Variants in LUZP2 observed in about 807,000 individuals in gnomAD.
LUZP2 encodes the protein leucine zipper protein 2.
LUZP2 carries 52 observed loss-of-function variants against 51.6 expected under a neutral mutation model. The ratio of observed to expected loss-of-function variants is 1.01; its 90% CI spans 0.81 to 1.27. The LOEUF is 1.27. LUZP2 is among the 50% of genes most tolerant of loss of function. The pLI is 0.00. For missense variants in LUZP2, 436 were observed against 395.4 expected (o/e 1.10, Z -0.87); for synonymous variants, 154 against 137.3 (o/e 1.12, Z -0.85).
chr11:24,817,146 T>C (rs1279434727), intron 5 of LUZP2, among the ~76,000 whole-genome samples: 2 of 152,006 alleles, frequency 1.3e-5, no homozygotes, highest in Non-Finnish European at 2.9e-5. Flanking sequence ...ATTTTCATCA[T>C]CTGTAAAATG....
In LUZP2 at chr11:25,050,042, A is replaced by C. The variant is rs1419354656; in HGVS notation, c.770A>C (p.Gln257Pro). Residue 257 changes from glutamine (Q) to proline (P), a missense_variant, in exon 10 of 12, where the codon CAA becomes CCA. Coordinates refer to ENST00000336930, the MANE Select transcript of LUZP2 (RefSeq NM_001009909.4). The part of the protein sequence containing the change: ...LPDAAAKSKP[Q>P]QSASGNNESS... ...TCTCTCTTCGTCTCTTTTAAGCCTCAACAAAGTGCTTCTGGAAACAATGAG... is the reference window on the plus strand; with the variant it reads ...TCTCTCTTCGTCTCTTTTAAGCCTCCACAAAGTGCTTCTGGAAACAATGAG... 2.5e-6 allele frequency: 4 copies of C among 1,586,774 alleles called. No individual in the cohort carries two copies. The highest frequency in any genetic ancestry group is 1.4e-5 in the African/African-American group (1 of 73,580).
intron 1 of LUZP2, among the ~76,000 whole-genome samples, chr11:24,721,093 G>A (rs1565098151): frequency 1.3e-5 from 2 of 152,132 alleles, no homozygotes; most frequent in South Asian, 2.1e-4. Flanking sequence ...CATAAACGAC[G>A]TTTAATGTCA....
chr11:24,802,713 G>C (rs1449894381), intron 5 of LUZP2, among the ~76,000 whole-genome samples: 1 of 151,808 alleles, frequency 6.6e-6, no homozygotes, highest in Non-Finnish European at 1.5e-5. Context: ...CTATGATTTT[G>C]ACTGTTTTAT....
intron 1 of LUZP2, among the ~76,000 whole-genome samples, chr11:24,560,052 C>T (rs1590180075): frequency 6.6e-6 from 1 of 151,854 alleles, no homozygotes; most frequent in Non-Finnish European, 1.5e-5. Context: ...GCAGCAAACC[C>T]CCATGGCATG....
At chr11:24,983,540 A>G (rs1856101024) in intron 9 of LUZP2, among the ~76,000 whole-genome samples, 1 of 151,808 alleles carries the variant, frequency 6.6e-6, no homozygotes, top group South Asian at 2.1e-4. Context: ...ATTGTTTAAC[A>G]CAAAACAAAA....
At chr11:24,858,364 C>A (rs1250232444) in intron 5 of LUZP2, among the ~76,000 whole-genome samples, 2 of 152,172 alleles carry the variant, frequency 1.3e-5, no homozygotes, top group South Asian at 2.1e-4. Context: ...TGCTATTTAT[C>A]TTTAAAGATA....
In LUZP2 at chr11:25,040,341, C is replaced by T. The variant is rs1284830250; in HGVS notation, c.766-9697C>T. On this transcript the variant is annotated intron_variant, in intron 9 of 11. Transcript: ENST00000336930. ...GTAGAGAGCCACTTTTCTTTCTTTC[C>T]GATTTTTTTTTTTTTTTTTTTTGCC... is the stretch of plus-strand genomic sequence containing the variant. 1.9e-4 allele frequency among the ~76,000 whole-genome samples: 7 copies of T among 37,802 alleles called. 1 individual carries two copies. Among genetic ancestry groups the T allele is most frequent in the South Asian group, 1.9e-3 (2 of 1,060 alleles). The allele number at this position is 37,802 out of a possible 152,430, so 24.8% of individuals were successfully genotyped here. A position where few individuals can be genotyped will look rare whatever the true frequency, so the allele number is the denominator to read the frequency against.
chr11:25,016,041 C>A (rs1433080422), intron 9 of LUZP2, among the ~76,000 whole-genome samples: 4 of 151,834 alleles, frequency 2.6e-5, no homozygotes, highest in African/African-American at 9.7e-5. Context: ...CTGCCTCAGC[C>A]TCCTGAGTAG....
At chr11:24,798,815 G>A (rs550454267) in intron 5 of LUZP2, among the ~76,000 whole-genome samples, 2 of 4,764 alleles carry the variant, frequency 4.2e-4, no homozygotes, top group Non-Finnish European at 2.5e-3. Flanking sequence ...TTTTGGAGTG[G>A]ACTCAAGGTT....
intron 1 of LUZP2, among the ~76,000 whole-genome samples, chr11:24,534,146 T>C (rs7931113): frequency 0.57 from 86,511 of 150,936 alleles, 25,378 homozygotes; most frequent in East Asian, 0.83. Flanking sequence ...CAGGCGAGTG[T>C]TGGAGTTTTA....
chr11:24,602,245 T>C (rs1590228776), intron 1 of LUZP2, among the ~76,000 whole-genome samples: 1 of 79,084 alleles, frequency 1.3e-5, no homozygotes, highest in Admixed American at 1.6e-4. Context: ...TGTATATATG[T>C]ATATATATGC....
At chr11:24,670,089 T>C (rs1427529120) in intron 1 of LUZP2, among the ~76,000 whole-genome samples, 2 of 151,776 alleles carry the variant, frequency 1.3e-5, no homozygotes, top group Non-Finnish European at 2.9e-5. Flanking sequence ...ACTGAAGGAG[T>C]ATAATGTAGT....
At chr11:24,804,415 A>G (rs1428623034) in intron 5 of LUZP2, among the ~76,000 whole-genome samples, 1 of 152,192 alleles carries the variant, frequency 6.6e-6, no homozygotes, top group African/African-American at 2.4e-5. Context: ...CATATTAACA[A>G]GAGAAAAACA....
At chr11:24,580,726 T>A (rs1852821973) in intron 1 of LUZP2, among the ~76,000 whole-genome samples, 1 of 152,066 alleles carries the variant, frequency 6.6e-6, no homozygotes, top group Non-Finnish European at 1.5e-5. Flanking sequence ...CTAATTTGAC[T>A]TCCATACCAC....
At chr11:24,816,564 T>A (rs2716478) in intron 5 of LUZP2, among the ~76,000 whole-genome samples, 3 of 151,952 alleles carry the variant, frequency 2.0e-5, no homozygotes, top group African/African-American at 7.3e-5. Flanking sequence ...CTTGACCCAG[T>A]CAAATCTTGA....
chr11:24,622,461 G>A (rs1332514821), intron 1 of LUZP2, among the ~76,000 whole-genome samples: 2 of 152,012 alleles, frequency 1.3e-5, no homozygotes, highest in Non-Finnish European at 2.9e-5. Context: ...TGCCTTGGCC[G>A]TGGCTTCCCA....
chr11:24,531,328 C>G (rs910853039), intron 1 of LUZP2, among the ~76,000 whole-genome samples: 2 of 150,572 alleles, frequency 1.3e-5, no homozygotes, highest in Non-Finnish European at 3.0e-5. Context: ...AAAGATTCTA[C>G]ATATTTGAGT....
At chr11:25,047,476 A>T (rs1858350094) in intron 9 of LUZP2, among the ~76,000 whole-genome samples, 1 of 151,030 alleles carries the variant, frequency 6.6e-6, no homozygotes, top group South Asian at 2.1e-4. Context: ...AGGAGTTGCG[A>T]GTGCTTTAAA....
intron 1 of LUZP2, among the ~76,000 whole-genome samples, chr11:24,533,628 T>C (rs1851081695): frequency 6.6e-6 from 1 of 151,318 alleles, no homozygotes; most frequent in South Asian, 2.1e-4. Flanking sequence ...CTACTTCTGT[T>C]ATATATCCTA....
Sources: gnomAD v4.1 joint callset for allele counts (sites outside exome capture counted in the v4.1 genomes callset) on GRCh38, gnomAD v4.1.1 for gene constraint, MANE v1.5 for transcripts, NCBI Gene and HGNC (gene_info 2026-07-23, HGNC 2026-07-21) for gene names.